Variants in LRRIQ1 observed in about 807,000 individuals in gnomAD.
The protein encoded by LRRIQ1 is leucine rich repeats and IQ motif containing 1.
In LRRIQ1, 210 loss-of-function variants were observed where a neutral mutation model predicts 211.9. That is an observed-to-expected ratio of 0.99 (90% confidence interval 0.89 to 1.11). The LOEUF is 1.11. Among genes scored for constraint, LRRIQ1 ranks in the 50% most tolerant of loss-of-function variants. The pLI is 0.00. For synonymous variants in LRRIQ1, 699 were observed against 650.1 expected (o/e 1.08, Z -1.14); for missense variants, 2,136 against 1,939.5 (o/e 1.10, Z -1.90).
At chr12:85,158,708 T>C (rs1890696204) in intron 23 of LRRIQ1, among the ~76,000 whole-genome samples, 1 of 151,970 alleles carries the variant, frequency 6.6e-6, no homozygotes, top group Non-Finnish European at 1.5e-5. Flanking sequence ...ACTGGGCAAG[T>C]CATTGCTGGG....
intron 24 of LRRIQ1, among the ~76,000 whole-genome samples, chr12:85,176,623 G>A (rs1207167355): frequency 2.0e-5 from 3 of 147,856 alleles, no homozygotes; most frequent in East Asian, 4.1e-4. Flanking sequence ...GGATAGCATC[G>A]GGAGATATAC....
chr12:85,176,916 T>A (rs1337719623), intron 24 of LRRIQ1, among the ~76,000 whole-genome samples: 2 of 152,078 alleles, frequency 1.3e-5, no homozygotes, highest in Non-Finnish European at 2.9e-5. Context: ...AGTCTTACAT[T>A]TCTTTCTATT....
At chr12:85,112,698 G>A (rs1397164276) in intron 15 of LRRIQ1, among the ~76,000 whole-genome samples, 2 of 151,956 alleles carry the variant, frequency 1.3e-5, no homozygotes, top group Non-Finnish European at 2.9e-5. Flanking sequence ...TTTTAGGGAA[G>A]TCTCAAATAT....
chr12:85,201,628 G>C (rs1893301641), intron 24 of LRRIQ1, among the ~76,000 whole-genome samples: 1 of 152,046 alleles, frequency 6.6e-6, no homozygotes, highest in Non-Finnish European at 1.5e-5. Flanking sequence ...AGGGTCAGTG[G>C]TAATGTCCCC....
At chr12:85,151,178 T>C (rs2136660496) in intron 19 of LRRIQ1, among the ~76,000 whole-genome samples, 1 of 151,500 alleles carries the variant, frequency 6.6e-6, no homozygotes, top group South Asian at 2.1e-4. Context: ...CTAGAAGAAA[T>C]TTAACAATTG....
At chr12:85,103,928 T>C (rs1752141923) in intron 13 of LRRIQ1, 76 bp from the exon 14 acceptor site, 1 of 606,796 alleles carries the variant, frequency 1.6e-6, no homozygotes, top group Admixed American at 3.2e-5. Context: ...AAAAATGTAT[T>C]GTTATATAGT....
the LRRIQ1 span, among the ~76,000 whole-genome samples, chr12:85,270,540 A>G: frequency 6.6e-6 from 1 of 152,096 alleles, no homozygotes; most frequent in African/African-American, 2.4e-5. Context: ...ATAATTATAT[A>G]CTTCATATTC....
At position 85,057,165 on chromosome 12, in the gene LRRIQ1, C is replaced by G. The variant is rs1881218035; in HGVS notation, c.2372C>G (p.Pro791Arg). The G allele has an allele frequency of 2.6e-6, 4 of 1,524,696 alleles. No individual in the cohort carries two copies. In the South Asian group the frequency reaches 4.0e-5, roughly 15 times the overall value. 94.4% of individuals were successfully genotyped at this position (1,524,696 alleles called of 1,614,324 possible). ...AAACTGGAAATTCTTCGATGTGGCC[C>G]TTGGGATACTTTACAGCAGGTATTT... ...LDKLEILRCG[P>R]WDTLQQVTTV... The change falls in exon 8 of 27, where the codon CCT becomes CGT. Residue 791 changes from proline (P) to arginine (R), a missense_variant. Pro to Arg is a moderately radical substitution (Grantham distance 103, BLOSUM62 -2). Coordinates refer to ENST00000393217, the MANE Select transcript of LRRIQ1 (RefSeq NM_001079910.2).
intron 11 of LRRIQ1, among the ~76,000 whole-genome samples, chr12:85,096,483 G>A (rs1423360662): frequency 6.6e-6 from 1 of 152,082 alleles, no homozygotes; most frequent in Non-Finnish European, 1.5e-5. Flanking sequence ...AGACCATCTT[G>A]ATGTTGATTT....
chr12:85,142,749 A>T (rs1296993303), intron 19 of LRRIQ1, among the ~76,000 whole-genome samples: 1 of 151,562 alleles, frequency 6.6e-6, no homozygotes, highest in East Asian at 1.9e-4. Context: ...GGCTTATCTC[A>T]CTTAACATAA....
chr12:85,180,487 T>G (rs1025841943), intron 24 of LRRIQ1, among the ~76,000 whole-genome samples: 1 of 151,914 alleles, frequency 6.6e-6, no homozygotes, highest in African/African-American at 2.4e-5. Flanking sequence ...TTAAAAAAAA[T>G]GATAGTTCAA....
intron 19 of LRRIQ1, among the ~76,000 whole-genome samples, chr12:85,150,370 C>CT (rs1162505084): frequency 1.3e-5 from 2 of 151,820 alleles, no homozygotes; most frequent in African/African-American, 4.8e-5. Context: ...CAAAAAAACT[C>CT]TAAGTTCTAA....
chr12:85,050,206 G>C (rs1234975197), intron 6 of LRRIQ1, among the ~76,000 whole-genome samples: 1 of 152,098 alleles, frequency 6.6e-6, no homozygotes, highest in Admixed American at 6.5e-5. Flanking sequence ...GGGGAGTAGA[G>C]TTCAACCTGA....
intron 3 of LRRIQ1, among the ~76,000 whole-genome samples, chr12:85,041,810 A>G (rs1254576520): frequency 1.3e-5 from 2 of 151,864 alleles, no homozygotes; most frequent in Admixed American, 1.3e-4. Flanking sequence ...CTACAAGACT[A>G]TTGCAATAAT....
intron 24 of LRRIQ1, among the ~76,000 whole-genome samples, chr12:85,198,171 A>T (rs1893094160): frequency 7.6e-6 from 1 of 130,944 alleles, no homozygotes; most frequent in Non-Finnish European, 1.5e-5. Context: ...TGTTATATTT[A>T]TATTTATATA....
At chr12:85,241,064 T>G (rs1895435958) in intron 26 of LRRIQ1, among the ~76,000 whole-genome samples, 1 of 152,078 alleles carries the variant, frequency 6.6e-6, no homozygotes, top group South Asian at 2.1e-4. Flanking sequence ...GCTAGCGAAG[T>G]CCTAATAAGG....
chr12:85,086,318 G>A (rs1363433009), intron 11 of LRRIQ1, among the ~76,000 whole-genome samples: 3 of 152,044 alleles, frequency 2.0e-5, no homozygotes, highest in African/African-American at 7.2e-5. Context: ...GATGGGAGGT[G>A]TTGTGTCATG....
At chr12:85,137,798 G>A (rs996681394) in intron 18 of LRRIQ1, 52 bp from the exon 19 acceptor site, 2 of 1,473,994 alleles carry the variant, frequency 1.4e-6, no homozygotes, top group Non-Finnish European at 9.1e-7. Flanking sequence ...AGATAATCTG[G>A]TTTAGGGTTT....
chr12:85,156,398 AT>A (rs1198132664), intron 23 of LRRIQ1, among the ~76,000 whole-genome samples: 1 of 151,786 alleles, frequency 6.6e-6, no homozygotes, highest in Non-Finnish European at 1.5e-5. Context: ...TCTGAGAGAT[AT>A]TTTCTAATCA....
Sources: gnomAD v4.1 joint callset for allele counts (sites outside exome capture counted in the v4.1 genomes callset) on GRCh38, gnomAD v4.1.1 for gene constraint, MANE v1.5 for transcripts, NCBI Gene and HGNC (gene_info 2026-07-23, HGNC 2026-07-21) for gene names.